TMEM117: variants seen among roughly 807,000 people sequenced by gnomAD.
TMEM117 encodes transmembrane protein 117.
Under a neutral mutation model 52.4 loss-of-function variants are expected in TMEM117, and 27 were observed. The ratio of observed to expected loss-of-function variants is 0.51; its 90% CI spans 0.38 to 0.71. TMEM117 has a LOEUF of 0.71. Ranked by LOEUF, TMEM117 falls within the 30% of genes least tolerant of loss-of-function variation. The pLI, the probability that TMEM117 is intolerant of heterozygous loss-of-function variation, is 0.00. For missense variants in TMEM117, 556 were observed against 630.5 expected, an observed-to-expected ratio of 0.88 and a Z score of 1.26; for synonymous variants, 215 against 206.3, an observed-to-expected ratio of 1.04 and a Z score of -0.36.
chr12:44,316,356 T>C (rs1166871244), intron 6 of TMEM117, among the ~76,000 whole-genome samples: 1 of 152,176 alleles, frequency 6.6e-6, no homozygotes, highest in Non-Finnish European at 1.5e-5. Context: ...TTTGATGGGA[T>C]ATGGAATTCT....
At chr12:44,280,307 CAGTTG>C (rs1950562449) in intron 5 of TMEM117, among the ~76,000 whole-genome samples, 2 of 152,254 alleles carry the variant, frequency 1.3e-5, no homozygotes, top group Admixed American at 6.5e-5. Flanking sequence ...TCCTATTTCT[CAGTTG>C]AGTTAATTGT....
At chr12:44,016,232 C>T (rs1033059894) in intron 3 of TMEM117, among the ~76,000 whole-genome samples, 1 of 152,292 alleles carries the variant, frequency 6.6e-6, no homozygotes, top group South Asian at 2.1e-4. Flanking sequence ...GCATGTTTGG[C>T]TTCTTTCCCT....
At chr12:44,086,250 T>C (rs1454154802) in intron 3 of TMEM117, among the ~76,000 whole-genome samples, 1 of 150,040 alleles carries the variant, frequency 6.7e-6, no homozygotes, top group African/African-American at 2.5e-5. Flanking sequence ...AGTCTTGCTT[T>C]GTTGCCAGGC....
chr12:43,815,084 G>A, the TMEM117 span, among the ~76,000 whole-genome samples: 1,146 of 152,186 alleles, frequency 7.5e-3, 13 homozygotes, highest in African/African-American at 0.025. Flanking sequence ...CAGATGTGTC[G>A]TCTAGGAAAA....
At chr12:44,296,448 C>T (rs1009372651) in intron 5 of TMEM117, among the ~76,000 whole-genome samples, 1 of 152,206 alleles carries the variant, frequency 6.6e-6, no homozygotes, top group Non-Finnish European at 1.5e-5. Context: ...CTGCCCCTGA[C>T]TGCAGCCGAG....
At chr12:44,009,859 G>A (rs909417073) in intron 3 of TMEM117, 13 of 279,200 alleles carry the variant, frequency 4.7e-5, no homozygotes, top group Admixed American at 4.2e-4. Flanking sequence ...GTCAGGAACT[G>A]CTCTAACATC....
At chr12:44,250,608 A>G (rs1950185558) in intron 5 of TMEM117, among the ~76,000 whole-genome samples, 1 of 152,220 alleles carries the variant, frequency 6.6e-6, no homozygotes, top group Non-Finnish European at 1.5e-5. Flanking sequence ...TCAATGATAG[A>G]CTGGATAAAG....
intron 3 of TMEM117, among the ~76,000 whole-genome samples, chr12:43,984,662 G>A (rs1018250851): frequency 1.3e-5 from 2 of 152,074 alleles, no homozygotes; most frequent in African/African-American, 4.8e-5. Flanking sequence ...CCAATAACTA[G>A]TACAAGAGAC....
intron 5 of TMEM117, among the ~76,000 whole-genome samples, chr12:44,231,393 ATTTTAGCTATTTCCCAT>A (rs1565617411): frequency 6.6e-6 from 1 of 151,764 alleles, no homozygotes; most frequent in Admixed American, 6.6e-5. Flanking sequence ...CTCGATGGGC[ATTTTAGCTATTTCCCAT>A]TTTTAGCTAT....
At chr12:43,804,614 T>C in the TMEM117 span, 1 of 1,348,944 alleles carries the variant, frequency 7.4e-7, no homozygotes, top group Non-Finnish European at 1.0e-6. Context: ...TATACTTACA[T>C]ATAAATACTT....
intron 2 of TMEM117, among the ~76,000 whole-genome samples, chr12:43,925,880 A>C (rs1944770904): frequency 6.6e-6 from 1 of 152,146 alleles, no homozygotes; most frequent in African/African-American, 2.4e-5. Flanking sequence ...TTAGTCGGAA[A>C]GTAGACTATT....
intron 4 of TMEM117, among the ~76,000 whole-genome samples, chr12:44,149,041 A>G (rs1592558428): frequency 6.6e-6 from 1 of 152,216 alleles, no homozygotes; most frequent in Non-Finnish European, 1.5e-5. Flanking sequence ...ACAGGGACAC[A>G]TGCTTGTGAA....
rs868163710 is a variant in TMEM117, at chr12:43,912,444, G to A, written c.278-31766G>A. On this transcript the variant is annotated intron_variant, in intron 2 of 7. Transcript: ENST00000266534. ...GTGCACCAGCATGGCACATGTATAC[G>A]TATGTAACTAACCTGCGCGTTGTGC... is the stretch of plus-strand genomic sequence containing the variant. Among the ~76,000 whole-genome samples, 1,019 of 148,998 alleles carry A rather than the reference G, an allele frequency of 6.8e-3. 18 individuals are homozygous for A. The highest frequency in any genetic ancestry group is 0.024 in the African/African-American group (941 of 39,002).
chr12:44,207,384 T>G lies in TMEM117; in HGVS notation c.511-3906T>G, dbSNP rs151100028. 1.6e-4 allele frequency among the ~76,000 whole-genome samples: 25 copies of G among 152,288 alleles called. No homozygotes were observed. The East Asian group carries it at 4.8e-3, about 29-fold the overall frequency. On this transcript the variant is annotated intron_variant, in intron 4 of 7. Coordinates refer to ENST00000266534, the MANE Select transcript of TMEM117 (RefSeq NM_032256.3). ...TTAGCTTGTAATCAGGCTAAGAAGA[T>G]AAGAATGGCAAAAGTAGAGAATCAT...
At chr12:44,069,492 T>C (rs1947269089) in intron 3 of TMEM117, among the ~76,000 whole-genome samples, 1 of 152,028 alleles carries the variant, frequency 6.6e-6, no homozygotes, top group Non-Finnish European at 1.5e-5. Context: ...GTGCCTGGTG[T>C]GTTGATTCAA....
At chr12:44,232,856 G>A (rs1045778743) in intron 5 of TMEM117, among the ~76,000 whole-genome samples, 23 of 150,908 alleles carry the variant, frequency 1.5e-4, no homozygotes, top group African/African-American at 5.1e-4. Flanking sequence ...CTCAATAGAC[G>A]TGTTTGAAAT....
intron 6 of TMEM117, among the ~76,000 whole-genome samples, chr12:44,314,498 GT>G (rs201350923): frequency 1.3e-5 from 2 of 150,012 alleles, no homozygotes; most frequent in Non-Finnish European, 1.5e-5. Context: ...TCATTTGGCA[GT>G]TTTTTTTCTT....
the TMEM117 span, chr12:43,806,102 C>A: frequency 6.6e-7 from 1 of 1,522,124 alleles, no homozygotes; most frequent in South Asian, 1.2e-5. Flanking sequence ...CGGCTCGCCC[C>A]GCGAGACCGA....
At chr12:43,918,162 T>C (rs183171051) in intron 2 of TMEM117, among the ~76,000 whole-genome samples, 34 of 152,302 alleles carry the variant, frequency 2.2e-4, no homozygotes, top group African/African-American at 8.2e-4. Context: ...CAGAGTGCTG[T>C]GATTATAACT....
Sources: gnomAD v4.1 joint callset for allele counts (sites outside exome capture counted in the v4.1 genomes callset) on GRCh38, gnomAD v4.1.1 for gene constraint, MANE v1.5 for transcripts, NCBI Gene and HGNC (gene_info 2026-07-23, HGNC 2026-07-21) for gene names.